Variants in PDHX observed in about 807,000 individuals in gnomAD.
The protein encoded by PDHX is pyruvate dehydrogenase complex component X.
PDHX carries 33 observed loss-of-function variants against 55.3 expected under a neutral mutation model. That is an observed-to-expected ratio of 0.60 (90% CI 0.45 to 0.80). The LOEUF is 0.80. Among genes scored for constraint, PDHX ranks in the 30% least tolerant of loss-of-function variants. PDHX has a pLI of 0.00. For missense variants in PDHX, 622 were observed against 619.9 expected, an observed-to-expected ratio of 1.00 and a Z score of -0.04; for synonymous variants, 226 against 219.4, an observed-to-expected ratio of 1.03 and a Z score of -0.27.
intron 5 of PDHX, among the ~76,000 whole-genome samples, chr11:34,966,131 A>T (rs1855126334): frequency 6.6e-6 from 1 of 152,178 alleles, no homozygotes; most frequent in South Asian, 2.1e-4. Context: ...TAGCAAAATT[A>T]AAAATGGTTT....
chr11:34,989,540 G>A (rs2134003523), intron 9 of PDHX, among the ~76,000 whole-genome samples: 1 of 150,816 alleles, frequency 6.6e-6, no homozygotes. Flanking sequence ...ACCTGGTGAG[G>A]CAGGAGTAGT....
chr11:34,957,183 G>A (rs1854920872), intron 3 of PDHX, among the ~76,000 whole-genome samples: 1 of 152,212 alleles, frequency 6.6e-6, no homozygotes, highest in African/African-American at 2.4e-5. Context: ...TAGCAAGTGG[G>A]AAGAGGAGAA....
intron 8 of PDHX, among the ~76,000 whole-genome samples, chr11:34,979,322 G>A (rs1192727421): frequency 6.6e-6 from 1 of 152,126 alleles, no homozygotes; most frequent in Non-Finnish European, 1.5e-5. Flanking sequence ...GAACATATGA[G>A]CCTGCAGTTC....
At chr11:34,926,320 G>T (rs956259700) in intron 1 of PDHX, among the ~76,000 whole-genome samples, 1 of 152,148 alleles carries the variant, frequency 6.6e-6, no homozygotes, top group Non-Finnish European at 1.5e-5. Flanking sequence ...TGAAGGCTCC[G>T]TTTTATTTAG....
intron 2 of PDHX, among the ~76,000 whole-genome samples, chr11:34,936,732 A>G (rs7948977): frequency 0.22 from 33,369 of 151,532 alleles, 4,885 homozygotes; most frequent in Non-Finnish European, 0.34. Context: ...CCTAAAGCCA[A>G]AATAGATCCA....
In PDHX at chr11:34,991,195, G is replaced by A. The variant is rs74396107; in HGVS notation, c.1183-1120G>A. On this transcript the variant is annotated intron_variant, in intron 9 of 10. Transcript: ENST00000227868. ...TGTGGTCAAGAGTGATATGAATCAA[G>A]TACATCCTTATATTCCTTGTGGCAG... 1.8e-3 allele frequency among the ~76,000 whole-genome samples: 273 copies of A among 152,278 alleles called. 1 individual carries two copies. Among genetic ancestry groups the A allele is most frequent in the African/African-American group, 6.2e-3 (258 of 41,558 alleles).
At chr11:34,953,204 A>C (rs1854819381) in intron 3 of PDHX, among the ~76,000 whole-genome samples, 1 of 152,226 alleles carries the variant, frequency 6.6e-6, no homozygotes, top group African/African-American at 2.4e-5. Context: ...ATACAAACAA[A>C]TGGAAAAATA....
chr11:34,928,052 A>G (rs1429425321), intron 1 of PDHX, among the ~76,000 whole-genome samples: 2 of 152,138 alleles, frequency 1.3e-5, no homozygotes, highest in African/African-American at 2.4e-5. Flanking sequence ...GTTTCATAAT[A>G]TAGTCCTTAA....
rs151100443 is a variant in PDHX at position 34,966,705 on chromosome 11, C to A, written c.707C>A (p.Ala236Asp). The change falls in exon 6 of 11, where the codon GCC becomes GAC. Residue 236 changes from alanine (A) to aspartate (D), a missense_variant. Physicochemically the swap from Ala to Asp is moderately radical, Grantham distance 126. Coordinates refer to ENST00000227868, the MANE Select transcript of PDHX (RefSeq NM_003477.3). ...ATTACCGAGTCCAGACCAACTCCAG[C>A]CCCCACAGCCACTCCCACAGCACCT... ...GKITESRPTP[A>D]PTATPTAPSP... 53 of 1,613,964 alleles carry A rather than the reference C, an allele frequency of 3.3e-5. No homozygotes were observed. The African/African-American group carries it at 4.9e-4, about 15-fold the overall frequency.
chr11:34,973,118 A>G (rs1008902608), intron 7 of PDHX, among the ~76,000 whole-genome samples: 5 of 152,054 alleles, frequency 3.3e-5, no homozygotes, highest in Admixed American at 2.6e-4. Flanking sequence ...CTGAAGATCT[A>G]TTATTGGCCA....
intron 1 of PDHX, among the ~76,000 whole-genome samples, chr11:34,930,345 A>C (rs752683134): frequency 2.0e-5 from 3 of 152,270 alleles, no homozygotes; most frequent in Non-Finnish European, 4.4e-5. Context: ...GGAAATCTCC[A>C]TTTGAAAATG....
intron 5 of PDHX, among the ~76,000 whole-genome samples, chr11:34,962,946 A>C (rs1286306690): frequency 6.6e-6 from 1 of 152,194 alleles, no homozygotes; most frequent in African/African-American, 2.4e-5. Flanking sequence ...GGCTTTTAGT[A>C]TTATTGCCAT....
chr11:34,958,827 G>GT (rs1854960252), intron 4 of PDHX, among the ~76,000 whole-genome samples: 2 of 152,072 alleles, frequency 1.3e-5, no homozygotes, highest in Non-Finnish European at 2.9e-5. Context: ...CACTGTGTAG[G>GT]TTAAAAACCT....
intron 1 of PDHX, among the ~76,000 whole-genome samples, chr11:34,917,471 C>T (rs925062055): frequency 6.6e-6 from 1 of 152,144 alleles, no homozygotes; most frequent in Non-Finnish European, 1.5e-5. Context: ...TAACACAATT[C>T]TTGCAGTATT....
Position 34,966,796 on chromosome 11 carries a change from T to G in PDHX, c.798T>G (p.Pro266=). ...PRPVIPPVST[P]GQPNAVGTFT... ...CTGTGATCCCACCAGTATCAACTCC[T>G]GGACAACCCAATGCAGTGGTAGTGT... The change falls in exon 6 of 11, where the codon CCT becomes CCG. Residue 266 remains proline, a synonymous_variant. Coordinates refer to ENST00000227868, the MANE Select transcript of PDHX (RefSeq NM_003477.3). The G allele has an allele frequency of 6.2e-7, 1 of 1,613,736 alleles. No homozygotes were observed. The highest frequency in any genetic ancestry group is 1.1e-5 in the South Asian group (1 of 91,044).
chr11:34,959,937 A>G (rs1346074127), intron 4 of PDHX, among the ~76,000 whole-genome samples: 1 of 152,192 alleles, frequency 6.6e-6, no homozygotes, highest in Non-Finnish European at 1.5e-5. Flanking sequence ...CAGAGTTTCA[A>G]TTTGGAAAGA....
At chr11:34,951,289 G>T (rs917827809) in intron 3 of PDHX, among the ~76,000 whole-genome samples, 1 of 151,720 alleles carries the variant, frequency 6.6e-6, no homozygotes, top group Non-Finnish European at 1.5e-5. Flanking sequence ...TCGATCTCCT[G>T]ACCTCATGAT....
chr11:34,918,402 A>T lies in PDHX; in HGVS notation c.160+1587A>T, dbSNP rs181597644. ...CATTGAGCTATGATCCTGCCGCTGC[A>T]CTTTAGCCTGGGTGACAGAGTGAGA... On this transcript the variant is annotated intron_variant, in intron 1 of 10. Transcript: ENST00000227868. Among the ~76,000 whole-genome samples the T allele has an allele frequency of 9.2e-5, 14 of 151,662 alleles. No individual in the cohort carries two copies. In the East Asian group the frequency reaches 2.3e-3, roughly 25 times the overall value.
At chr11:34,944,015 G>A (rs1329845872) in intron 2 of PDHX, among the ~76,000 whole-genome samples, 1 of 150,598 alleles carries the variant, frequency 6.6e-6, no homozygotes, top group Non-Finnish European at 1.5e-5. Flanking sequence ...GTCCACTGCT[G>A]TATCCTCAGT....
Sources: allele counts gnomAD v4.1 joint callset (sites outside exome capture counted in the v4.1 genomes callset), GRCh38; gene constraint gnomAD v4.1.1; transcripts MANE v1.5; gene names NCBI Gene and HGNC (gene_info 2026-07-23, HGNC 2026-07-21).